Variants in NAV2 observed in about 807,000 individuals in gnomAD.
The protein encoded by NAV2 is neuron navigator 2, also known as helicase, APC down-regulated 1.
In NAV2, 54 loss-of-function variants were observed where a neutral mutation model predicts 223.2. That is an observed-to-expected ratio of 0.24 (90% confidence interval 0.19 to 0.30). The LOEUF is 0.30. NAV2 is among the 10% of genes least tolerant of loss of function. The pLI is 1.00. For synonymous variants in NAV2, 1,279 were observed against 1,239.3 expected, an observed-to-expected ratio of 1.03 and a Z score of -0.67; for missense variants, 2,806 against 3,147.5, an observed-to-expected ratio of 0.89 and a Z score of 2.60.
At chr11:19,404,427 G>A (rs543485436) in intron 1 of NAV2, among the ~76,000 whole-genome samples, 39 of 152,318 alleles carry the variant, frequency 2.6e-4, no homozygotes, top group African/African-American at 8.9e-4. Context: ...GCCTCACTGC[G>A]AATAAGCATC....
intron 11 of NAV2, among the ~76,000 whole-genome samples, chr11:20,028,276 A>G (rs1357469752): frequency 4.6e-5 from 7 of 152,194 alleles, no homozygotes; most frequent in Admixed American, 3.3e-4. Flanking sequence ...GATTCCTGAC[A>G]CGGTGATGTC....
intron 4 of NAV2, among the ~76,000 whole-genome samples, chr11:19,872,247 C>G (rs1565469159): frequency 6.6e-6 from 1 of 152,194 alleles, no homozygotes; most frequent in South Asian, 2.1e-4. Context: ...ACATGTCAGT[C>G]ACTGAGCTAA....
intron 1 of NAV2, among the ~76,000 whole-genome samples, chr11:19,410,755 G>A (rs1331974260): frequency 6.6e-5 from 10 of 152,194 alleles, no homozygotes; most frequent in Admixed American, 6.5e-4. Flanking sequence ...TGTTTCCAGG[G>A]ATCATGGGGA....
At chr11:20,093,227 C>A in intron 29 of NAV2, 28 bp downstream of exon 29, 9 of 1,455,458 alleles carry the variant, frequency 6.2e-6, no homozygotes, top group Non-Finnish European at 8.7e-6. Flanking sequence ...CCCTGCTTTG[C>A]CTGTCCCTCC....
chr11:19,429,334 T>C (rs1259068556), intron 1 of NAV2, among the ~76,000 whole-genome samples: 5 of 152,202 alleles, frequency 3.3e-5, no homozygotes, highest in Admixed American at 6.5e-5. Flanking sequence ...CCAGTCACTT[T>C]TCAGTTAACC....
chr11:19,933,384 G>A lies in NAV2; in HGVS notation c.1140G>A (p.Gly380=). ...TVSMLSVKPP[G]PEAPRPTPEA... Reference sequence around the variant, plus strand: ...CCATGCTCTCGGTCAAGCCTCCTGGGCCTGAGGCCCCCAGGCCCACACCTG... The same window carrying A: ...CCATGCTCTCGGTCAAGCCTCCTGGACCTGAGGCCCCCAGGCCCACACCTG... The change falls in exon 7 of 38, where the codon GGG becomes GGA. Residue 380 remains glycine, a synonymous_variant. Coordinates refer to ENST00000349880, the MANE Select transcript of NAV2 (RefSeq NM_145117.5). The surrounding 1 kb of genome is among the most constrained non-coding windows in gnomAD (Gnocchi z 4.3). 1 of 1,586,064 alleles carries A rather than the reference G, an allele frequency of 6.3e-7. No individual in the cohort carries two copies. Among genetic ancestry groups the A allele is most frequent in the Non-Finnish European group, 8.6e-7 (1 of 1,165,316 alleles).
chr11:19,400,326 T>A (rs1849630600), intron 1 of NAV2, among the ~76,000 whole-genome samples: 1 of 152,162 alleles, frequency 6.6e-6, no homozygotes, highest in Admixed American at 6.5e-5. Context: ...AGGTAGAACC[T>A]CTGGTGGTGG....
intron 1 of NAV2, chr11:19,778,271 C>A: frequency 2.3e-6 from 1 of 439,958 alleles, no homozygotes; most frequent in Non-Finnish European, 4.5e-6. Context: ...ACCATAATTC[C>A]CCCATTAAAG....
intron 1 of NAV2, among the ~76,000 whole-genome samples, chr11:19,362,491 C>G (rs920592518): frequency 6.6e-6 from 1 of 152,070 alleles, no homozygotes; most frequent in African/African-American, 2.4e-5. Flanking sequence ...TTTAAAAGTT[C>G]GTCAATGTAC....
chr11:19,955,166 G>A (rs2585781), intron 10 of NAV2, among the ~76,000 whole-genome samples: 137,927 of 151,938 alleles, frequency 0.91, 62,698 homozygotes, highest in East Asian at 0.98. Context: ...CAGCACTTTG[G>A]GAGGCTGAGA....
chr11:19,727,608 G>A (rs1343276897), intron 1 of NAV2, among the ~76,000 whole-genome samples: 1 of 152,236 alleles, frequency 6.6e-6, no homozygotes, highest in East Asian at 1.9e-4. Flanking sequence ...CTGCAATTGT[G>A]CATTGATTTG....
At chr11:19,438,870 G>A (rs750836018) in intron 1 of NAV2, among the ~76,000 whole-genome samples, 14 of 151,764 alleles carry the variant, frequency 9.2e-5, no homozygotes, top group East Asian at 2.0e-4. Flanking sequence ...AAACCCAAAG[G>A]CTGTCTAAAC....
chr11:19,463,769 G>A (rs188297563), intron 1 of NAV2, among the ~76,000 whole-genome samples: 1 of 152,256 alleles, frequency 6.6e-6, no homozygotes, highest in African/African-American at 2.4e-5. Context: ...GGTTTTGGAG[G>A]CAAGAGGGAA....
At chr11:19,352,591 A>G (rs1398280721) in intron 1 of NAV2, among the ~76,000 whole-genome samples, 1 of 152,218 alleles carries the variant, frequency 6.6e-6, no homozygotes, top group African/African-American at 2.4e-5. Flanking sequence ...CTCAGCTGAC[A>G]TTCATTTTAA....
At chr11:19,641,690 C>T (rs2047670750) in intron 1 of NAV2, among the ~76,000 whole-genome samples, 2 of 151,864 alleles carry the variant, frequency 1.3e-5, no homozygotes, top group Non-Finnish European at 2.9e-5. Flanking sequence ...AAACACAGTT[C>T]CCGCTGCTCT....
At chr11:19,742,551 G>A (rs945476542) in intron 1 of NAV2, among the ~76,000 whole-genome samples, 3 of 152,176 alleles carry the variant, frequency 2.0e-5, no homozygotes, top group Admixed American at 2.0e-4. Context: ...CTCCAGGTAA[G>A]AGCTGGTGGC....
chr11:19,581,376 T>C (rs12417068), intron 1 of NAV2, among the ~76,000 whole-genome samples: 4,547 of 152,318 alleles, frequency 0.03, 98 homozygotes, highest in Admixed American at 0.049. Flanking sequence ...TTAAGGTTTT[T>C]TTTATTATTA....
intron 1 of NAV2, among the ~76,000 whole-genome samples, chr11:19,585,144 T>C (rs2045851768): frequency 6.6e-6 from 1 of 152,216 alleles, no homozygotes; most frequent in African/African-American, 2.4e-5. Flanking sequence ...TGGCCTTCTT[T>C]GTCTCTTTTG....
chr11:19,786,203 T>C (rs968010679), intron 1 of NAV2, among the ~76,000 whole-genome samples: 3 of 152,234 alleles, frequency 2.0e-5, no homozygotes, highest in African/African-American at 7.2e-5. Flanking sequence ...CCATCTACAG[T>C]GCAGTTCCAG....
Sources: gnomAD v4.1 joint callset for allele counts (sites outside exome capture counted in the v4.1 genomes callset) on GRCh38, gnomAD v4.1.1 for gene constraint, Gnocchi (gnomAD v3.1) non-coding constraint, MANE v1.5 for transcripts, NCBI Gene and HGNC (gene_info 2026-07-23, HGNC 2026-07-21) for gene names.